The following C10orf67 variants were observed in gnomAD, a reference collection of about 807,000 sequenced individuals.
The protein encoded by C10orf67 is uncharacterized protein C10orf67, mitochondrial.
C10orf67 carries 60 observed loss-of-function variants against 35.6 expected under a neutral mutation model. The observed-to-expected ratio is 1.68, with a 90% CI of 1.37 to 2.09. C10orf67 has a LOEUF of 2.09. Among genes scored for constraint, C10orf67 ranks in the 30% most tolerant of loss-of-function variants. The probability of loss-of-function intolerance (pLI) is 0.00; values close to 1 mark genes in which losing one functional copy is unlikely to be tolerated. For synonymous variants in C10orf67, 167 were observed against 115.8 expected (o/e 1.44, Z -2.84); for missense variants, 474 against 330.2 (o/e 1.44, Z -3.38).
rs1210527570 is a variant in C10orf67, at chr10:23,343,930, A to G, written c.206+639T>C. On this transcript the variant is annotated intron_variant, in intron 1 of 15. Transcript: ENST00000636213. ...CCTGGGGTTGAACTGGAATTGTTCA[A>G]TAGAGGCCTCGAGGCCCTCCATGAT... is the stretch of plus-strand genomic sequence containing the variant. The G allele has an allele frequency of 8.6e-6, 4 of 467,000 alleles. No individual in the cohort carries two copies. The East Asian group carries it at 2.2e-4, about 25-fold the overall frequency. The allele number at this position is 467,000 out of a possible 1,614,324, so 28.9% of individuals were successfully genotyped here. A position where few individuals can be genotyped will look rare whatever the true frequency, so the allele number is the denominator to read the frequency against.
intron 10 of C10orf67, among the ~76,000 whole-genome samples, chr10:23,257,749 G>A (rs927820748): frequency 4.6e-5 from 7 of 152,064 alleles, no homozygotes; most frequent in African/African-American, 1.4e-4. Context: ...GTTTCAGTGA[G>A]CTGAGATCAC....
Position 23,291,285 on chromosome 10 carries a change from AG to A in C10orf67, c.703-7del. The A allele has an allele frequency of 1.4e-6, 1 of 713,944 alleles. No homozygotes were observed. The highest frequency in any genetic ancestry group is 2.6e-6 in the Non-Finnish European group (1 of 384,468). The allele number at this position is 713,944 out of a possible 1,614,324, so 44.2% of individuals were successfully genotyped here. ...GTTTCTTTGGCAAAAGATTCCTAAA[AG>A]ATGGAGAATGCCATATTCCTAAGCA... On this transcript the variant is annotated splice_region_variant and splice_polypyrimidine_tract_variant and intron_variant, in intron 5 of 15. Coordinates refer to ENST00000636213, the MANE Select transcript of C10orf67 (RefSeq NM_001371909.1).
intron 15 of C10orf67, among the ~76,000 whole-genome samples, chr10:23,218,409 A>T (rs1172818789): frequency 6.6e-6 from 1 of 150,896 alleles, no homozygotes; most frequent in Admixed American, 6.6e-5. Flanking sequence ...TGGCCTCCCA[A>T]AGTATTGGGA....
intron 10 of C10orf67, among the ~76,000 whole-genome samples, chr10:23,258,727 A>G (rs1338460146): frequency 6.6e-6 from 1 of 152,200 alleles, no homozygotes; most frequent in African/African-American, 2.4e-5. Flanking sequence ...GATCATTCGG[A>G]CATGGTCTAT....
intron 10 of C10orf67, among the ~76,000 whole-genome samples, chr10:23,258,812 A>G (rs1842671902): frequency 6.6e-6 from 1 of 152,242 alleles, no homozygotes; most frequent in Non-Finnish European, 1.5e-5. Context: ...GAGGAATAGC[A>G]ATGTTCATTG....
At chr10:23,224,841 C>A (rs1253959620) in intron 13 of C10orf67, among the ~76,000 whole-genome samples, 1 of 152,016 alleles carries the variant, frequency 6.6e-6, no homozygotes, top group Non-Finnish European at 1.5e-5. Context: ...TAAAAAGAAA[C>A]AAAGCCTCCA....
chr10:23,225,438 A>G (rs914882808), intron 13 of C10orf67, among the ~76,000 whole-genome samples: 17 of 152,226 alleles, frequency 1.1e-4, no homozygotes, highest in Admixed American at 8.5e-4. Context: ...AAGACCATTA[A>G]GGCTAGGAAG....
intron 5 of C10orf67, among the ~76,000 whole-genome samples, chr10:23,296,494 T>C (rs957740638): frequency 6.6e-6 from 1 of 152,150 alleles, no homozygotes; most frequent in African/African-American, 2.4e-5. Flanking sequence ...GGATTCTTAG[T>C]CGGCCTAGGA....
At chr10:23,341,867 C>A (rs1845901790) in intron 1 of C10orf67, among the ~76,000 whole-genome samples, 1 of 152,174 alleles carries the variant, frequency 6.6e-6, no homozygotes, top group East Asian at 1.9e-4. Flanking sequence ...TCCCTGATCA[C>A]CATTTCTAAA....
intron 15 of C10orf67, among the ~76,000 whole-genome samples, chr10:23,223,078 TA>T (rs1422479800): frequency 9.9e-5 from 12 of 121,022 alleles, no homozygotes; most frequent in African/African-American, 5.3e-4. Flanking sequence ...GAAGTATAAC[TA>T]TTTTTTTTTT....
At chr10:23,291,936 G>A (rs572678191) in intron 5 of C10orf67, among the ~76,000 whole-genome samples, 6 of 152,178 alleles carry the variant, frequency 3.9e-5, no homozygotes, top group African/African-American at 7.2e-5. Flanking sequence ...CTGTGCAGGC[G>A]TTTAATGCTA....
intron 12 of C10orf67, among the ~76,000 whole-genome samples, chr10:23,243,023 G>A (rs950444226): frequency 3.3e-5 from 5 of 151,916 alleles, no homozygotes; most frequent in Non-Finnish European, 7.4e-5. Flanking sequence ...TAGGCTGAAA[G>A]AAAAAAGTTA....
At chr10:23,267,071 T>C in intron 9 of C10orf67, 124 bp downstream of exon 9, 1 of 594,572 alleles carries the variant, frequency 1.7e-6, no homozygotes, top group Admixed American at 2.9e-5. Flanking sequence ...GAACTTTCTT[T>C]TTCAAACTCA....
chr10:23,266,882 C>T (rs1564479838), intron 9 of C10orf67, among the ~76,000 whole-genome samples: 1 of 152,086 alleles, frequency 6.6e-6, no homozygotes, highest in Non-Finnish European at 1.5e-5. Flanking sequence ...CTCCTGATCT[C>T]CCATTCACAC....
intron 5 of C10orf67, among the ~76,000 whole-genome samples, chr10:23,296,225 T>C (rs530428023): frequency 6.6e-6 from 1 of 151,934 alleles, no homozygotes; most frequent in East Asian, 1.9e-4. Context: ...TTAAATAGAG[T>C]GGAAACAGGG....
intron 10 of C10orf67, among the ~76,000 whole-genome samples, chr10:23,256,732 G>A (rs1842613202): frequency 6.6e-6 from 1 of 151,942 alleles, no homozygotes; most frequent in South Asian, 2.1e-4. Flanking sequence ...AAAAATTGAG[G>A]GCAGAGCAAT....
chr10:23,231,972 CG>C (rs1379998796), intron 13 of C10orf67, among the ~76,000 whole-genome samples: 1 of 151,894 alleles, frequency 6.6e-6, no homozygotes, highest in African/African-American at 2.4e-5. Flanking sequence ...AACAACATAC[CG>C]CTTAGAACTA....
At chr10:23,208,555 G>C (rs993900637) in intron 15 of C10orf67, among the ~76,000 whole-genome samples, 2 of 152,168 alleles carry the variant, frequency 1.3e-5, no homozygotes, top group African/African-American at 4.8e-5. Context: ...GTCATTGAGT[G>C]ACTGTCTTAG....
intron 15 of C10orf67, among the ~76,000 whole-genome samples, chr10:23,219,341 T>G (rs1322085485): frequency 6.6e-6 from 1 of 152,174 alleles, no homozygotes; most frequent in Non-Finnish European, 1.5e-5. Context: ...ATCTGTAAGA[T>G]TCGTGTCTTT....
Sources: gnomAD v4.1 joint callset for allele counts (sites outside exome capture counted in the v4.1 genomes callset) on GRCh38, gnomAD v4.1.1 for gene constraint, MANE v1.5 for transcripts, NCBI Gene and HGNC (gene_info 2026-07-23, HGNC 2026-07-21) for gene names.